BET1: variants seen among roughly 807,000 people sequenced by gnomAD.
BET1 encodes the protein BET1 homolog.
BET1 carries 9 observed loss-of-function variants against 13.9 expected under a neutral mutation model. That is an observed-to-expected ratio of 0.65 (90% CI 0.39 to 1.13). The LOEUF (loss-of-function observed/expected upper bound fraction) is 1.13. BET1 is among the 50% of genes most tolerant of loss of function. BET1 has a pLI of 0.01. For missense variants in BET1, 127 were observed against 133.6 expected, an observed-to-expected ratio of 0.95 and a Z score of 0.24; for synonymous variants, 39 against 47.3, an observed-to-expected ratio of 0.82 and a Z score of 0.72.
At chr7:93,989,569 G>A (rs1222432483), downstream of BET1, among the ~76,000 whole-genome samples, 1 of 152,132 alleles carries the variant, frequency 6.6e-6, no homozygotes, top group East Asian at 1.9e-4. Context: ...TCACAGTAGG[G>A]AGCCTGGCAT....
downstream of BET1, among the ~76,000 whole-genome samples, chr7:93,988,756 A>G (rs1024458538): frequency 6.6e-6 from 1 of 151,916 alleles, no homozygotes; most frequent in Admixed American, 6.6e-5. Flanking sequence ...GCTGAATATA[A>G]TTTAGGTAAA....
chr7:93,978,260 G>A (rs1308002041), intron 4 of BET1, among the ~76,000 whole-genome samples: 2 of 152,082 alleles, frequency 1.3e-5, no homozygotes, highest in African/African-American at 2.4e-5. Flanking sequence ...TGTCGAGAGG[G>A]GTTTTGCTAT....
chr7:93,971,990 C>T (rs1183132927), intron 6 of BET1, among the ~76,000 whole-genome samples: 1 of 150,916 alleles, frequency 6.6e-6, no homozygotes, highest in African/African-American at 2.4e-5. Flanking sequence ...AGAAAATTCC[C>T]TAAGGAGAAT....
chr7:93,967,318 GT>G (rs1236407196), intron 6 of BET1, among the ~76,000 whole-genome samples: 1 of 151,700 alleles, frequency 6.6e-6, no homozygotes, highest in Non-Finnish European at 1.5e-5. Flanking sequence ...ATCCAATGTG[GT>G]TTGGTGGTCA....
At chr7:93,991,713 G>T, downstream of BET1, 1 of 836,156 alleles carries the variant, frequency 1.2e-6, no homozygotes, top group Non-Finnish European at 1.4e-6. Flanking sequence ...GTGGAGCCAG[G>T]ATTTATGCTC....
chr7:94,001,412 T>C (rs1276617524), intron 1 of BET1, among the ~76,000 whole-genome samples: 1 of 152,234 alleles, frequency 6.6e-6, no homozygotes. Flanking sequence ...CATGCTTCCA[T>C]ATCCTCCCTG....
chr7:93,996,094 A>C, intron 3 of BET1, 171 bp downstream of exon 3: 1 of 570,168 alleles, frequency 1.8e-6, no homozygotes, highest in Non-Finnish European at 3.0e-6. Context: ...CGAGATGAAA[A>C]ATGCAAAAGC....
At chr7:93,968,104 C>T (rs1348487238) in intron 6 of BET1, among the ~76,000 whole-genome samples, 3 of 151,784 alleles carry the variant, frequency 2.0e-5, no homozygotes, top group African/African-American at 7.2e-5. Context: ...CCTACCACCT[C>T]CACTTCAAGT....
chr7:93,984,371 T>TA (rs1404080908), intron 4 of BET1, among the ~76,000 whole-genome samples: 2 of 152,198 alleles, frequency 1.3e-5, no homozygotes, highest in Non-Finnish European at 2.9e-5. Flanking sequence ...TGTACATGAA[T>TA]CTTTAGGAAC....
At chr7:93,986,796 T>C (rs1795535272) in intron 4 of BET1, among the ~76,000 whole-genome samples, 1 of 152,210 alleles carries the variant, frequency 6.6e-6, no homozygotes, top group Non-Finnish European at 1.5e-5. Flanking sequence ...AAAATTCCTA[T>C]AATCTAGTGA....
At chr7:93,966,686 G>A (rs1258331415) in intron 6 of BET1, among the ~76,000 whole-genome samples, 1 of 150,412 alleles carries the variant, frequency 6.6e-6, no homozygotes, top group Non-Finnish European at 1.5e-5. Flanking sequence ...TAATTAGTTT[G>A]TGCAGACTTC....
downstream of BET1, chr7:93,991,709 C>A (rs1795639206): frequency 1.5e-5 from 12 of 817,050 alleles, no homozygotes; most frequent in Non-Finnish European, 1.6e-5. Context: ...AATGGTGGAG[C>A]CAGGATTTAT....
rs1229809202 is a variant in BET1, at chr7:93,963,532, T to C, written c.*2293A>G. The C allele has an allele frequency of 2.0e-5, 3 of 152,170 alleles. No individual in the cohort carries two copies. In the East Asian group the frequency reaches 5.8e-4, roughly 29 times the overall value. 9.4% of individuals were successfully genotyped at this position (152,170 alleles called of 1,614,324 possible). On this transcript the variant is annotated 3_prime_UTR_variant and NMD_transcript_variant, in exon 7 of 7. Coordinates refer to the BET1 transcript ENST00000357520. The stretch of plus-strand genomic sequence containing the variant: ...GTCTTCACTGAGGGAAGGATCTTAA[T>C]TGACTACTATATCTGCAGAATTTAG...
At chr7:93,969,145 G>T (rs1418257691) in intron 6 of BET1, among the ~76,000 whole-genome samples, 25 of 151,832 alleles carry the variant, frequency 1.6e-4, no homozygotes, top group Non-Finnish European at 4.4e-5. Context: ...CAATGACTTT[G>T]CCCTTCACTG....
chr7:93,965,578 AG>A (rs1274276512), exon 7 of BET1: 1 of 152,088 alleles, frequency 6.6e-6, no homozygotes, highest in Non-Finnish European at 1.5e-5. Flanking sequence ...ACCCAAAGCA[AG>A]CTTGAAAACT....
At chr7:94,003,966 C>T (rs758917490) in intron 1 of BET1, among the ~76,000 whole-genome samples, 1 of 152,076 alleles carries the variant, frequency 6.6e-6, no homozygotes, top group African/African-American at 2.4e-5. Flanking sequence ...ACCCCTAGTC[C>T]ACTACTTTCT....
chr7:93,993,068 T>C (rs989934350), downstream of BET1: 9 of 980,508 alleles, frequency 9.2e-6, no homozygotes, highest in South Asian at 3.8e-4. Context: ...AATACATTCA[T>C]AACCCAAAAT....
intron 5 of BET1, among the ~76,000 whole-genome samples, chr7:93,974,350 A>G (rs556275893): frequency 6.6e-6 from 1 of 152,062 alleles, no homozygotes; most frequent in East Asian, 1.9e-4. Context: ...TTTGTTTCTA[A>G]TACCTTTATC....
chr7:94,002,982 A>C (rs569945520), intron 1 of BET1, among the ~76,000 whole-genome samples: 48 of 152,308 alleles, frequency 3.2e-4, no homozygotes, highest in Non-Finnish European at 6.0e-4. Context: ...GTATAGCGAC[A>C]CTTTGTACTA....
Sources: gnomAD v4.1 joint callset for allele counts (sites outside exome capture counted in the v4.1 genomes callset) on GRCh38, gnomAD v4.1.1 for gene constraint, MANE v1.5 for transcripts, NCBI Gene and HGNC (gene_info 2026-07-23, HGNC 2026-07-21) for gene names.